SAMD4A: variants seen among roughly 807,000 people sequenced by gnomAD.
The protein encoded by SAMD4A is sterile alpha motif domain containing 4A.
A neutral mutation model predicts 81.3 loss-of-function variants in SAMD4A; 33 were observed. That is an observed-to-expected ratio of 0.41 (90% CI 0.31 to 0.54). The LOEUF is 0.54. Ranked by LOEUF, SAMD4A falls within the 20% of genes least tolerant of loss-of-function variation. The pLI is 0.37. For synonymous variants in SAMD4A, 389 were observed against 382.1 expected (o/e 1.02, Z -0.21); for missense variants, 854 against 951.1 (o/e 0.90, Z 1.34).
intron 3 of SAMD4A, among the ~76,000 whole-genome samples, chr14:54,713,367 G>A (rs2037039538): frequency 6.6e-6 from 1 of 152,054 alleles, no homozygotes; most frequent in Non-Finnish European, 1.5e-5. Context: ...ATTCTATTAG[G>A]TAAAATACAT....
chr14:54,685,682 T>C (rs1177444968), intron 2 of SAMD4A: 1 of 456,692 alleles, frequency 2.2e-6, no homozygotes, highest in Non-Finnish European at 4.4e-6. Context: ...CCAGCTCTCT[T>C]CAGTGGTGGA....
Position 54,702,491 on chromosome 14 carries a change from G to C in SAMD4A, c.626G>C (p.Ser209Thr). The change falls in exon 3 of 13, where the codon AGC becomes ACC. Residue 209 changes from serine to threonine, a missense_variant. Coordinates refer to ENST00000554335, the MANE Select transcript of SAMD4A (RefSeq NM_015589.6). ...CINASNWQDKSMGCENGHVPL... is the reference protein window; with the variant it reads ...CINASNWQDKTMGCENGHVPL... ...AATGCCTCCAACTGGCAGGACAAAAGCATGGGGTGTGAGAATGGCCATGTG... is the reference window on the plus strand; with the variant it reads ...AATGCCTCCAACTGGCAGGACAAAACCATGGGGTGTGAGAATGGCCATGTG... 6.2e-7 allele frequency: 1 copy of C among 1,614,208 alleles called. No homozygotes were observed. The highest frequency in any genetic ancestry group is 8.5e-7 in the Non-Finnish European group (1 of 1,180,022).
At chr14:54,577,793 C>T (rs1384471519) in intron 2 of SAMD4A, among the ~76,000 whole-genome samples, 2 of 152,102 alleles carry the variant, frequency 1.3e-5, no homozygotes, top group African/African-American at 4.8e-5. Flanking sequence ...CGGGGGGGCA[C>T]TCGAAAGCCA....
intron 4 of SAMD4A, among the ~76,000 whole-genome samples, chr14:54,745,588 C>CTTAATG (rs1163106800): frequency 1.3e-5 from 2 of 152,206 alleles, no homozygotes; most frequent in African/African-American, 4.8e-5. Flanking sequence ...TTAAAAGTTC[C>CTTAATG]TTAATGGAAG....
intron 3 of SAMD4A, among the ~76,000 whole-genome samples, chr14:54,725,950 C>A (rs1016904936): frequency 3.3e-5 from 5 of 152,174 alleles, no homozygotes; most frequent in Non-Finnish European, 7.3e-5. Flanking sequence ...AGCATCTTAA[C>A]CTTGAATGTA....
chr14:54,730,041 T>G (rs887809277), intron 3 of SAMD4A, among the ~76,000 whole-genome samples: 2 of 152,184 alleles, frequency 1.3e-5, no homozygotes, highest in African/African-American at 4.8e-5. Flanking sequence ...TACCAAAGAT[T>G]AGTGCAATAA....
At chr14:54,647,400 G>A (rs1201272402) in intron 2 of SAMD4A, among the ~76,000 whole-genome samples, 1 of 152,178 alleles carries the variant, frequency 6.6e-6, no homozygotes, top group Non-Finnish European at 1.5e-5. Context: ...TGGCAGAACA[G>A]TTCTAGGCCT....
chr14:54,663,298 C>T (rs1438320837), intron 2 of SAMD4A, among the ~76,000 whole-genome samples: 2 of 152,184 alleles, frequency 1.3e-5, no homozygotes, highest in Non-Finnish European at 2.9e-5. Context: ...AGATACTTTT[C>T]ATCCAAGTAT....
At chr14:54,628,988 T>G (rs922653160) in intron 2 of SAMD4A, among the ~76,000 whole-genome samples, 10 of 152,138 alleles carry the variant, frequency 6.6e-5, no homozygotes, top group African/African-American at 2.4e-4. Flanking sequence ...AGTTCTAACC[T>G]CCAGTAGTTA....
At chr14:54,725,205 G>A (rs1411156861) in intron 3 of SAMD4A, among the ~76,000 whole-genome samples, 1 of 152,198 alleles carries the variant, frequency 6.6e-6, no homozygotes, top group Admixed American at 6.5e-5. Context: ...TCTTTAATAA[G>A]GATTTCAGTC....
chr14:54,684,389 C>T (rs1321310778), intron 2 of SAMD4A, among the ~76,000 whole-genome samples: 1 of 152,236 alleles, frequency 6.6e-6, no homozygotes, highest in Admixed American at 6.5e-5. Context: ...CAAAAGGGAA[C>T]TTTCCTGCCT....
intron 3 of SAMD4A, among the ~76,000 whole-genome samples, chr14:54,718,162 G>A (rs1200913730): frequency 6.6e-6 from 1 of 152,096 alleles, no homozygotes; most frequent in African/African-American, 2.4e-5. Context: ...ATAGAGCTGG[G>A]GTCACACTCG....
chr14:54,569,691 T>A (rs1334039270), intron 2 of SAMD4A, among the ~76,000 whole-genome samples: 1 of 152,234 alleles, frequency 6.6e-6, no homozygotes. Flanking sequence ...GGTTTTACTT[T>A]CTCAGGTTTG....
At chr14:54,620,201 G>A (rs2034583365) in intron 2 of SAMD4A, among the ~76,000 whole-genome samples, 1 of 152,090 alleles carries the variant, frequency 6.6e-6, no homozygotes, top group South Asian at 2.1e-4. Flanking sequence ...CTTGCCCCAG[G>A]TCTCACAGTT....
intron 2 of SAMD4A, among the ~76,000 whole-genome samples, chr14:54,614,185 T>C (rs2034435588): frequency 2.0e-5 from 3 of 152,256 alleles, no homozygotes; most frequent in African/African-American, 7.2e-5. Flanking sequence ...ATTTAAAAAC[T>C]GTGGCTCTTC....
chr14:54,671,910 T>C (rs1030133420), intron 2 of SAMD4A, among the ~76,000 whole-genome samples: 4 of 151,314 alleles, frequency 2.6e-5, no homozygotes, highest in Non-Finnish European at 5.9e-5. Flanking sequence ...TGCAGAGGCA[T>C]TGGGGTGGGG....
chr14:54,592,484 A>G (rs574728591), intron 2 of SAMD4A, among the ~76,000 whole-genome samples: 2 of 152,104 alleles, frequency 1.3e-5, no homozygotes, highest in Admixed American at 6.5e-5. Context: ...TTTTGATACC[A>G]AGTCTCGCTC....
intron 2 of SAMD4A, among the ~76,000 whole-genome samples, chr14:54,635,726 A>G (rs1023676396): frequency 1.3e-5 from 2 of 151,796 alleles, no homozygotes; most frequent in African/African-American, 4.9e-5. Context: ...CCAGCGACAG[A>G]GCAAGACTCC....
intron 2 of SAMD4A, among the ~76,000 whole-genome samples, chr14:54,660,105 G>T (rs1468762477): frequency 4.6e-5 from 7 of 151,622 alleles, no homozygotes; most frequent in African/African-American, 7.3e-5. Flanking sequence ...AGGGCCTTTT[G>T]TCAATCATCA....
Sources: gnomAD v4.1 joint callset for allele counts (sites outside exome capture counted in the v4.1 genomes callset) on GRCh38, gnomAD v4.1.1 for gene constraint, MANE v1.5 for transcripts, NCBI Gene and HGNC (gene_info 2026-07-23, HGNC 2026-07-21) for gene names.